Variants in TRIP10 observed in about 807,000 individuals in gnomAD.
The protein encoded by TRIP10 is cdc42-interacting protein 4.
Under a neutral mutation model 80.9 loss-of-function variants are expected in TRIP10, and 54 were observed. The ratio of observed to expected loss-of-function variants is 0.67; its 90% confidence interval spans 0.54 to 0.84. TRIP10 has a LOEUF of 0.84. Among genes scored for constraint, TRIP10 ranks in the 40% least tolerant of loss-of-function variants. The pLI is 0.00. For missense variants in TRIP10, 773 were observed against 815.3 expected, an observed-to-expected ratio of 0.95 and a Z score of 0.63; for synonymous variants, 321 against 307.2, an observed-to-expected ratio of 1.04 and a Z score of -0.47.
chr19:6,745,281 G>A lies in TRIP10; in HGVS notation c.984+287G>A, dbSNP rs948926333. On this transcript the variant is annotated intron_variant, in intron 9 of 14. Transcript: ENST00000313244. This position sits in a 1 kb window ranked among gnomAD's most constrained non-coding sequence, Gnocchi z 7.2. ...TGGTGGAATTCAGGGCTGGCCTGAG[G>A]GCTGGTGACACCATCCCTGGGGACT... 8 of 475,098 alleles carry A rather than the reference G, an allele frequency of 1.7e-5. No individual in the cohort carries two copies. The Admixed American group carries it at 3.1e-4, about 18-fold the overall frequency. The allele number at this position is 475,098 out of a possible 1,614,324, so 29.4% of individuals were successfully genotyped here. A position where few individuals can be genotyped will look rare whatever the true frequency, so the allele number is the denominator to read the frequency against.
chr19:6,744,563 G>A lies in TRIP10; in HGVS notation c.652G>A (p.Asp218Asn), dbSNP rs761749961. Residue 218 changes from aspartate (D) to asparagine (N), a missense_variant, in exon 8 of 15, where the codon GAC becomes AAC. By Grantham distance (23) the Asp-to-Asn change is conservative. Coordinates refer to ENST00000313244, the MANE Select transcript of TRIP10 (RefSeq NM_001288962.2). The surrounding 1 kb of genome is among the most constrained non-coding windows in gnomAD (Gnocchi z 4.9). The stretch of plus-strand genomic sequence containing the variant: ...GTCCCTGTCCTTACAGAAGCTCCAA[G>A]ACATGGATGAACGCAGGGCCACCCG... Reference protein sequence around the residue: ...QMPQIFDKLQDMDERRATRLG... With the variant: ...QMPQIFDKLQNMDERRATRLG... 3.7e-6 allele frequency: 6 copies of A among 1,614,002 alleles called. No homozygotes were observed. The highest frequency in any genetic ancestry group is 2.2e-5 in the East Asian group (1 of 44,898).
rs370184386 is a variant in TRIP10, at chr19:6,742,846, C to A, written c.198-121C>A. 7 of 1,346,778 alleles carry A rather than the reference C, an allele frequency of 5.2e-6. No homozygotes were observed. In the African/African-American group the frequency reaches 7.3e-5, roughly 14 times the overall value. The allele number at this position is 1,346,778 out of a possible 1,614,324, so 83.4% of individuals were successfully genotyped here. Reference sequence around the variant, plus strand: ...AGGAATATGGACCAGAATTTGTCATCGCTTCAGGGATTACATTCTTGGGGC... The same window carrying A: ...AGGAATATGGACCAGAATTTGTCATAGCTTCAGGGATTACATTCTTGGGGC... On this transcript the variant is annotated intron_variant, in intron 3 of 14. Coordinates refer to ENST00000313244, the MANE Select transcript of TRIP10 (RefSeq NM_001288962.2).
intron 14 of TRIP10, 76 bp from the exon 15 acceptor site, chr19:6,750,987 C>A: frequency 6.9e-7 from 1 of 1,442,168 alleles, no homozygotes; most frequent in South Asian, 1.6e-5. Flanking sequence ...GAGCGAGGCT[C>A]TGTCTCAAAA....
At position 6,745,150 on chromosome 19, in the gene TRIP10, CG is replaced by C. The variant is rs1969075336; in HGVS notation, c.984+157del. The C allele has an allele frequency of 1.8e-6, 2 of 1,114,398 alleles. No homozygotes were observed. Among genetic ancestry groups the C allele is most frequent in the Middle Eastern group, 3.1e-4 (1 of 3,260 alleles). 69.0% of individuals were successfully genotyped at this position (1,114,398 alleles called of 1,614,324 possible). On this transcript the variant is annotated intron_variant, in intron 9 of 14. Coordinates refer to ENST00000313244, the MANE Select transcript of TRIP10 (RefSeq NM_001288962.2). This position sits in a 1 kb window ranked among gnomAD's most constrained non-coding sequence, Gnocchi z 7.2. ...CCGGACTGGAGGGAAGGAAGGCGGC[CG>C]ATTGGCCTGGGAGTCCCCCGAGGCG...
At chr19:6,747,793 AAAT>A (rs10572023) in intron 11 of TRIP10, among the ~76,000 whole-genome samples, 80,538 of 149,096 alleles carry the variant, frequency 0.54, 22,149 homozygotes, top group African/African-American at 0.67. Flanking sequence ...TCTCTACCTC[AAAT>A]AATAATAATA....
chr19:6,742,895 G>A (rs546133125), intron 3 of TRIP10, 72 bp from the exon 4 acceptor site: 2 of 1,563,480 alleles, frequency 1.3e-6, no homozygotes, highest in African/African-American at 1.4e-5. Context: ...ACCTGGAGGT[G>A]CGTCCTGGGG....
At position 6,745,060 on chromosome 19, in the gene TRIP10, A is replaced by G. The variant is rs1043468608; in HGVS notation, c.984+66A>G. ...GTGAAGTGGGGACAGTGGGGCCCCT[A>G]TTGAGTCAGCCCCAGCCGCCTGAAC... On this transcript the variant is annotated intron_variant, in intron 9 of 14. Coordinates refer to ENST00000313244, the MANE Select transcript of TRIP10 (RefSeq NM_001288962.2). The surrounding 1 kb of genome is among the most constrained non-coding windows in gnomAD (Gnocchi z 7.2). The G allele has an allele frequency of 2.0e-6, 3 of 1,536,182 alleles. No individual in the cohort carries two copies. The highest frequency in any genetic ancestry group is 1.4e-5 in the African/African-American group (1 of 72,930).
chr19:6,740,774 T>C, intron 1 of TRIP10: 2 of 537,436 alleles, frequency 3.7e-6, no homozygotes, highest in Non-Finnish European at 6.7e-6. Flanking sequence ...GACCTCCATC[T>C]CCCGGCCGGG....
chr19:6,751,148 C>G lies in TRIP10; in HGVS notation c.1743C>G (p.Val581=). 2 of 1,613,654 alleles carry G rather than the reference C, an allele frequency of 1.2e-6. No homozygotes were observed. The highest frequency in any genetic ancestry group is 2.2e-5 in the South Asian group (2 of 91,030). Residue 581 remains valine (V), a synonymous_variant, in exon 15 of 15, where the codon GTC becomes GTG. Transcript: ENST00000313244. ...EEDKGDGWTR[V]RRKEGGEGYV... ...ACAAAGGGGACGGCTGGACCCGGGT[C>G]AGGCGGAAAGAGGGAGGCGAGGGCT...
In TRIP10 at chr19:6,746,271, G is replaced by A. The variant is rs551451664; in HGVS notation, c.1152+75G>A. ...CGGCGGGTGGCGGGACCCTGGGCTC[G>A]CTTCCTGCCGCTGGCTGGGCCCCTC... On this transcript the variant is annotated intron_variant, in intron 10 of 14. Coordinates refer to ENST00000313244, the MANE Select transcript of TRIP10 (RefSeq NM_001288962.2). The surrounding 1 kb of genome is among the most constrained non-coding windows in gnomAD (Gnocchi z 6.2). 263 of 1,481,292 alleles carry A rather than the reference G, an allele frequency of 1.8e-4. No individual in the cohort carries two copies. Among genetic ancestry groups the A allele is most frequent in the Middle Eastern group, 3.6e-4 (2 of 5,522 alleles). 91.8% of individuals were successfully genotyped at this position (1,481,292 alleles called of 1,614,324 possible). A position where few individuals can be genotyped will look rare whatever the true frequency, so the allele number is the denominator to read the frequency against.
rs764775255 is a variant in TRIP10, at chr19:6,750,628, T to C, written c.1652T>C (p.Phe551Ser). The C allele has an allele frequency of 2.5e-6, 4 of 1,613,862 alleles. No individual in the cohort carries two copies. Among genetic ancestry groups the C allele is most frequent in the East Asian group, 2.2e-5 (1 of 44,882 alleles). ...GGTCACTGTGTGGCCATCTACCACT[T>C]TGAAGGTGAGAACGGCCAGAGTGGG... ...PIGHCVAIYHFEGSSEGTISM... is the reference protein window; with the variant it reads ...PIGHCVAIYHSEGSSEGTISM... The change falls in exon 14 of 15, where the codon TTT (phenylalanine) becomes TCT (serine). Residue 551 changes from phenylalanine to serine, a missense_variant. Transcript: ENST00000313244.
intron 11 of TRIP10, among the ~76,000 whole-genome samples, chr19:6,749,151 A>G (rs1969212419): frequency 6.6e-6 from 1 of 152,040 alleles, no homozygotes; most frequent in Non-Finnish European, 1.5e-5. Flanking sequence ...ACCATTGCCC[A>G]GGCTGGTCTT....
Position 6,744,012 on chromosome 19 carries a change from G to A in TRIP10, c.642+176G>A. The A allele has an allele frequency of 3.4e-6, 3 of 872,712 alleles. No individual in the cohort carries two copies. Among genetic ancestry groups the A allele is most frequent in the Non-Finnish European group, 5.2e-6 (3 of 576,080 alleles). The allele number at this position is 872,712 out of a possible 1,614,324, so 54.1% of individuals were successfully genotyped here. On this transcript the variant is annotated intron_variant, in intron 7 of 14. Transcript: ENST00000313244. This position sits in a 1 kb window ranked among gnomAD's most constrained non-coding sequence, Gnocchi z 4.9. ...GTCAGCTGTTCTTCCTGCTGGGCATGCCTTTTACTTGTTTGTTTATTTACT... is the reference window on the plus strand; with the variant it reads ...GTCAGCTGTTCTTCCTGCTGGGCATACCTTTTACTTGTTTGTTTATTTACT...
Position 6,739,728 on chromosome 19 carries a change from C to T in TRIP10, c.-34C>T, listed in dbSNP as rs1356489044. 8.2e-6 allele frequency: 11 copies of T among 1,341,682 alleles called. No individual in the cohort carries two copies. Among genetic ancestry groups the T allele is most frequent in the South Asian group, 2.2e-5 (1 of 46,364 alleles). The allele number at this position is 1,341,682 out of a possible 1,614,324, so 83.1% of individuals were successfully genotyped here. On this transcript the variant is annotated 5_prime_UTR_variant, in exon 1 of 15. Coordinates refer to ENST00000313244, the MANE Select transcript of TRIP10 (RefSeq NM_001288962.2). The stretch of plus-strand genomic sequence containing the variant: ...GGCGGCGGGCGGCGGGGACCGGGTG[C>T]GGTGGTGGCTGCGGCGGCGGCGGCG...
chr19:6,745,310 C>G lies in TRIP10; in HGVS notation c.984+316C>G. The G allele has an allele frequency of 2.7e-6, 1 of 373,316 alleles. No individual in the cohort carries two copies. The allele number at this position is 373,316 out of a possible 1,614,324, so 23.1% of individuals were successfully genotyped here. A position where few individuals can be genotyped will look rare whatever the true frequency, so the allele number is the denominator to read the frequency against. ...GGTGACACCATCCCTGGGGACTCCC[C>G]GAGTTTCTCTCTCCATCCTGCTGAT... is the stretch of plus-strand genomic sequence containing the variant. On this transcript the variant is annotated intron_variant, in intron 9 of 14. Transcript: ENST00000313244. The surrounding 1 kb of genome is among the most constrained non-coding windows in gnomAD (Gnocchi z 7.2).
Position 6,745,582 on chromosome 19 carries a change from C to T in TRIP10, c.985-447C>T. 2.0e-6 allele frequency: 2 copies of T among 985,186 alleles called. No individual in the cohort carries two copies. Among genetic ancestry groups the T allele is most frequent in the South Asian group, 4.7e-5 (1 of 21,276 alleles). The allele number at this position is 985,186 out of a possible 1,614,324, so 61.0% of individuals were successfully genotyped here. A position where few individuals can be genotyped will look rare whatever the true frequency, so the allele number is the denominator to read the frequency against. ...TTTATTTTTGTTTATTTATTTTTGT[C>T]CTCTGTGGCCTCTTACCTGTCTGAG... On this transcript the variant is annotated intron_variant, in intron 9 of 14. Transcript: ENST00000313244. The surrounding 1 kb of genome is among the most constrained non-coding windows in gnomAD (Gnocchi z 7.2).
At position 6,739,727 on chromosome 19, in the gene TRIP10, G is replaced by T. The variant is rs939465895; in HGVS notation, c.-35G>T. Reference sequence around the variant, plus strand: ...GGGCGGCGGGCGGCGGGGACCGGGTGCGGTGGTGGCTGCGGCGGCGGCGGC... The same window carrying T: ...GGGCGGCGGGCGGCGGGGACCGGGTTCGGTGGTGGCTGCGGCGGCGGCGGC... On this transcript the variant is annotated 5_prime_UTR_variant, in exon 1 of 15. Transcript: ENST00000313244. 7 of 1,348,580 alleles carry T rather than the reference G, an allele frequency of 5.2e-6. No individual in the cohort carries two copies. The highest frequency in any genetic ancestry group is 4.3e-5 in the South Asian group (2 of 46,618). The allele number at this position is 1,348,580 out of a possible 1,614,324, so 83.5% of individuals were successfully genotyped here. A position where few individuals can be genotyped will look rare whatever the true frequency, so the allele number is the denominator to read the frequency against.
At chr19:6,740,895 C>T in intron 1 of TRIP10, 115 bp from the exon 2 acceptor site, 1 of 901,598 alleles carries the variant, frequency 1.1e-6, no homozygotes, top group Non-Finnish European at 1.7e-6. Flanking sequence ...GGAAGCCACT[C>T]CTTCTAGGAG....
intron 11 of TRIP10, among the ~76,000 whole-genome samples, chr19:6,749,140 C>T (rs1043662902): frequency 1.3e-5 from 2 of 152,122 alleles, no homozygotes; most frequent in South Asian, 2.1e-4. Context: ...CAAAGTCTCA[C>T]ACCATTGCCC....
Sources: allele counts gnomAD v4.1 joint callset (sites outside exome capture counted in the v4.1 genomes callset), GRCh38; gene constraint gnomAD v4.1.1; non-coding constraint Gnocchi (gnomAD v3.1); transcripts MANE v1.5; gene names NCBI Gene and HGNC (gene_info 2026-07-23, HGNC 2026-07-21).